ALDH2: variants seen among roughly 807,000 people sequenced by gnomAD.
ALDH2 encodes aldehyde dehydrogenase 2 family member.
A neutral mutation model predicts 59.6 loss-of-function variants in ALDH2; 44 were observed. The ratio of observed to expected loss-of-function variants is 0.74; its 90% confidence interval spans 0.58 to 0.95. The LOEUF (loss-of-function observed/expected upper bound fraction) is 0.95. Among genes scored for constraint, ALDH2 ranks in the 40% least tolerant of loss-of-function variants. ALDH2 has a pLI of 0.00. For synonymous variants in ALDH2, 291 were observed against 284.0 expected (o/e 1.02, Z -0.25); for missense variants, 570 against 696.3 (o/e 0.82, Z 2.04).
chr12:111,808,843 G>A (rs2068515950), intron 12 of ALDH2, among the ~76,000 whole-genome samples: 1 of 152,120 alleles, frequency 6.6e-6, no homozygotes, highest in Non-Finnish European at 1.5e-5. Context: ...TGCAGTGCAG[G>A]TGGAGAAAAG....
chr12:111,809,782 G>T lies in ALDH2; in HGVS notation c.*207G>T. On this transcript the variant is annotated 3_prime_UTR_variant, in exon 13 of 13. Coordinates refer to ENST00000261733, the MANE Select transcript of ALDH2 (RefSeq NM_000690.4). ...AGAGTATATGAGGAACCTTTTAAAC[G>T]ACAACAATACTGCTAGCTTTCAGGA... 1 of 590,668 alleles carries T rather than the reference G, an allele frequency of 1.7e-6. No homozygotes were observed. The highest frequency in any genetic ancestry group is 2.1e-5 in the South Asian group (1 of 47,814). The allele number at this position is 590,668 out of a possible 1,614,324, so 36.6% of individuals were successfully genotyped here.
chr12:111,782,997 T>A (rs1387215905), intron 2 of ALDH2, among the ~76,000 whole-genome samples, 161 bp from the exon 3 acceptor site: 2 of 152,216 alleles, frequency 1.3e-5, no homozygotes, highest in Non-Finnish European at 2.9e-5. Flanking sequence ...TGAAGTCTGG[T>A]GCTCATCAGG....
rs184287363 is a variant in ALDH2 at position 111,799,825 on chromosome 12, A to C, written c.1249-81A>C. 9 of 1,480,854 alleles carry C rather than the reference A, an allele frequency of 6.1e-6. No individual in the cohort carries two copies. In the East Asian group the frequency reaches 2.1e-4, roughly 34 times the overall value. 91.7% of individuals were successfully genotyped at this position (1,480,854 alleles called of 1,614,324 possible). ...CTGGGGGCTTATCCCCCAATCTGGA[A>C]TCATCTGTTCTGCTCTGAGAGAGCT... On this transcript the variant is annotated intron_variant, in intron 10 of 12. Transcript: ENST00000261733.
rs146739827 is a variant in ALDH2, at chr12:111,781,986, T to C, written c.183T>C (p.Thr61=). Residue 61 remains threonine (T), a synonymous_variant, in exon 2 of 13, where the codon ACT becomes ACC. Transcript: ENST00000261733. ...RKTFPTVNPS[T]GEVICQVAEG... ...CATTCCCCACCGTCAATCCGTCCAC[T>C]GGAGAGGTCATCTGTCAGGTAGCTG... The C allele has an allele frequency of 5.0e-6, 8 of 1,613,900 alleles. No individual in the cohort carries two copies. The African/African-American group carries it at 1.1e-4, about 22-fold the overall frequency.
rs201939387 is a variant in ALDH2 at position 111,803,943 on chromosome 12, C to T, written c.1491C>T (p.Tyr497=). ...GGAGTGGCCGGGAGTTGGGCGAGTACGGGCTGCAGGCATACACTGAAGTGA... is the reference window on the plus strand; with the variant it reads ...GGAGTGGCCGGGAGTTGGGCGAGTATGGGCTGCAGGCATACACTGAAGTGA... ...MSGSGRELGE[Y]GLQAYTEVKT... is the part of the protein sequence containing the mutation. Residue 497 remains tyrosine (Y), a synonymous_variant, in exon 12 of 13, where the codon TAC becomes TAT. Coordinates refer to ENST00000261733, the MANE Select transcript of ALDH2 (RefSeq NM_000690.4). 9.4e-5 allele frequency: 151 copies of T among 1,611,108 alleles called. No individual in the cohort carries two copies. Among genetic ancestry groups the T allele is most frequent in the Middle Eastern group, 1.7e-4 (1 of 6,054 alleles).
intron 1 of ALDH2, among the ~76,000 whole-genome samples, chr12:111,776,716 ACT>A (rs1231491499): frequency 6.7e-6 from 1 of 149,210 alleles, no homozygotes; most frequent in East Asian, 2.0e-4. Flanking sequence ...TTTTTTTGAG[ACT>A]CTGTTGCCCA....
intron 9 of ALDH2, 62 bp downstream of exon 9, chr12:111,792,844 A>G (rs2068374231): frequency 6.7e-7 from 1 of 1,494,400 alleles, no homozygotes; most frequent in Non-Finnish European, 8.9e-7. Context: ...CAGAGAGGGC[A>G]TCGGGCTCAG....
At chr12:111,790,348 C>T (rs2068348171) in intron 5 of ALDH2, 86 bp from the exon 6 acceptor site, 1 of 1,566,476 alleles carries the variant, frequency 6.4e-7, no homozygotes. Context: ...GGTGCTGCTT[C>T]TGCCCTCTGG....
intron 1 of ALDH2, among the ~76,000 whole-genome samples, chr12:111,769,813 C>T (rs1447498876): frequency 6.6e-6 from 1 of 152,024 alleles, no homozygotes; most frequent in Non-Finnish European, 1.5e-5. Context: ...ATGGTGCATA[C>T]AGCAGTGGAC....
At chr12:111,773,816 A>G (rs1161662591) in intron 1 of ALDH2, among the ~76,000 whole-genome samples, 1 of 152,234 alleles carries the variant, frequency 6.6e-6, no homozygotes, top group Non-Finnish European at 1.5e-5. Context: ...GGCACCTAGC[A>G]CCTTAGCATA....
intron 10 of ALDH2, 121 bp downstream of exon 10, chr12:111,798,363 C>T: frequency 9.3e-7 from 1 of 1,078,200 alleles, no homozygotes; most frequent in South Asian, 1.7e-5. Context: ...CAAGTTATAC[C>T]CAGAACCAGT....
Position 111,809,533 on chromosome 12 carries a change from C to T in ALDH2, c.1522-10C>T. The T allele has an allele frequency of 6.2e-7, 1 of 1,614,130 alleles. No individual in the cohort carries two copies. The highest frequency in any genetic ancestry group is 8.5e-7 in the Non-Finnish European group (1 of 1,179,990). On this transcript the variant is annotated splice_polypyrimidine_tract_variant and intron_variant, in intron 12 of 12. Coordinates refer to ENST00000261733, the MANE Select transcript of ALDH2 (RefSeq NM_000690.4). ...AGGAAGATCTAACGGCTTCTCTGTC[C>T]CCCTTACAGGTCACAGTCAAAGTGC...
intron 2 of ALDH2, among the ~76,000 whole-genome samples, chr12:111,782,781 G>T (rs930526124): frequency 6.6e-6 from 1 of 152,106 alleles, no homozygotes; most frequent in African/African-American, 2.4e-5. Flanking sequence ...CTACTCAAGA[G>T]GCTGAGGTAG....
chr12:111,769,214 G>A (rs1413942603), intron 1 of ALDH2, among the ~76,000 whole-genome samples: 2 of 152,252 alleles, frequency 1.3e-5, no homozygotes, highest in East Asian at 3.9e-4. Flanking sequence ...GATCATTAAA[G>A]TAACACATGC....
rs770830521 is a variant in ALDH2 at position 111,792,578 on chromosome 12, C to T, written c.899-20C>T. The T allele has an allele frequency of 2.5e-6, 4 of 1,605,218 alleles. No individual in the cohort carries two copies. In the African/African-American group the frequency reaches 5.3e-5, roughly 21 times the overall value. The stretch of plus-strand genomic sequence containing the variant: ...CTCCTCCTCACTGTCACCTTTCTGT[C>T]TCCTGCCCACTTCCCGCAGTGGATT... On this transcript the variant is annotated intron_variant, in intron 8 of 12. Transcript: ENST00000261733.
Position 111,809,611 on chromosome 12 carries a change from A to G in ALDH2, c.*36A>G, listed in dbSNP as rs759588558. The G allele has an allele frequency of 6.8e-6, 11 of 1,612,312 alleles. No homozygotes were observed. The highest frequency in any genetic ancestry group is 3.3e-5 in the South Asian group (3 of 90,988). ...AGCTTCCTCCCTCAGCCATTGATGG[A>G]AAGTTCAGCAAGATCAGCAACAAAA... On this transcript the variant is annotated 3_prime_UTR_variant, in exon 13 of 13. Transcript: ENST00000261733.
intron 1 of ALDH2, among the ~76,000 whole-genome samples, chr12:111,768,973 A>C (rs1331644169): frequency 3.3e-5 from 5 of 152,182 alleles, no homozygotes; most frequent in Non-Finnish European, 7.3e-5. Flanking sequence ...ACAGAACAAG[A>C]CCCTGTCTCA....
chr12:111,768,345 A>C (rs2068174281), intron 1 of ALDH2, among the ~76,000 whole-genome samples: 1 of 152,212 alleles, frequency 6.6e-6, no homozygotes, highest in South Asian at 2.1e-4. Context: ...TCTGGCCCTG[A>C]GTGTGGCTGC....
chr12:111,791,978 G>T, intron 7 of ALDH2, 83 bp from the exon 8 acceptor site: 1 of 834,986 alleles, frequency 1.2e-6, no homozygotes, highest in South Asian at 1.4e-5. Context: ...TCAAGCTGTG[G>T]GGGACTCTGT....
Sources: gnomAD v4.1 joint callset for allele counts (sites outside exome capture counted in the v4.1 genomes callset) on GRCh38, gnomAD v4.1.1 for gene constraint, MANE v1.5 for transcripts, NCBI Gene and HGNC (gene_info 2026-07-23, HGNC 2026-07-21) for gene names.